The following ASCC3 variants were observed in gnomAD, a reference collection of about 807,000 sequenced individuals.
ASCC3 encodes ASC-1 complex subunit P200.
ASCC3 carries 158 observed loss-of-function variants against 256.3 expected under a neutral mutation model. The ratio of observed to expected loss-of-function variants is 0.62; its 90% confidence interval spans 0.54 to 0.70. The LOEUF (loss-of-function observed/expected upper bound fraction) is 0.70. ASCC3 is among the 30% of genes least tolerant of loss of function. ASCC3 has a pLI of 0.00. For missense variants in ASCC3, 2,259 were observed against 2,626.0 expected (o/e 0.86, Z 3.05); for synonymous variants, 948 against 883.4 (o/e 1.07, Z -1.30).
At chr6:100,704,993 G>C (rs907736911) in intron 13 of ASCC3, among the ~76,000 whole-genome samples, 1 of 152,080 alleles carries the variant, frequency 6.6e-6, no homozygotes, top group Non-Finnish European at 1.5e-5. Context: ...TACACAGGAG[G>C]AGGGGAATTA....
At chr6:100,517,668 A>C (rs565087125) in intron 38 of ASCC3, among the ~76,000 whole-genome samples, 2 of 152,306 alleles carry the variant, frequency 1.3e-5, no homozygotes, top group South Asian at 4.1e-4. Flanking sequence ...GCTTTAGATC[A>C]CAAAGCATTT....
At chr6:100,852,999 A>T (rs1456997173) in intron 3 of ASCC3, among the ~76,000 whole-genome samples, 2 of 152,126 alleles carry the variant, frequency 1.3e-5, no homozygotes, top group African/African-American at 4.8e-5. Flanking sequence ...TTAAAAAAAA[A>T]AAAGTCAAAA....
intron 36 of ASCC3, among the ~76,000 whole-genome samples, chr6:100,558,315 T>C (rs535922359): frequency 6.6e-6 from 1 of 152,222 alleles, no homozygotes; most frequent in African/African-American, 2.4e-5. Flanking sequence ...CATTGTACCC[T>C]GCTTTGATTA....
chr6:100,680,474 C>A (rs1264651541), intron 13 of ASCC3, among the ~76,000 whole-genome samples: 1 of 152,140 alleles, frequency 6.6e-6, no homozygotes, highest in Non-Finnish European at 1.5e-5. Context: ...CTGTAAGTTT[C>A]TTCTTTGGCC....
In ASCC3 at chr6:100,638,695, C is replaced by T. The variant is rs534928454; in HGVS notation, c.4028G>A (p.Cys1343Tyr). The T allele has an allele frequency of 5.0e-6, 8 of 1,614,026 alleles. No homozygotes were observed. The South Asian group carries it at 5.5e-5, about 11-fold the overall frequency. ...QIFHTLYHTDCNVLLGAPTGS... is the reference protein window; with the variant it reads ...QIFHTLYHTDYNVLLGAPTGS... ...AGTAGGTGCTCCAAGTAGGACATTA[C>T]AATCCGTGTGATACAATGTATGAAA... The change falls in exon 25 of 42, where the codon TGT becomes TAT. Residue 1343 changes from cysteine (C) to tyrosine (Y), a missense_variant. Cys to Tyr is a radical substitution (Grantham distance 194). This residue lies in a region of ASCC3 where 1,839 missense variants were observed against 2,206.7 expected (regional missense o/e 0.83). Transcript: ENST00000369162.
rs1772511695 is a variant in ASCC3, at chr6:100,848,722, A to C, written c.242-15T>G. 1 of 1,607,390 alleles carries C rather than the reference A, an allele frequency of 6.2e-7. No homozygotes were observed. Among genetic ancestry groups the C allele is most frequent in the Non-Finnish European group, 8.5e-7 (1 of 1,178,860 alleles). Reference sequence around the variant, plus strand: ...ATCAGTTCCAACTATTCAAAGACAAAAGAAACAGTATTAGCTCAATTGAAT... The same window carrying C: ...ATCAGTTCCAACTATTCAAAGACAACAGAAACAGTATTAGCTCAATTGAAT... On this transcript the variant is annotated splice_polypyrimidine_tract_variant and intron_variant, in intron 3 of 41. Transcript: ENST00000369162.
At chr6:100,676,160 T>A (rs569498657) in intron 14 of ASCC3, among the ~76,000 whole-genome samples, 37 of 152,280 alleles carry the variant, frequency 2.4e-4, no homozygotes, top group Middle Eastern at 6.8e-3. Flanking sequence ...CCATATTGTT[T>A]ATTATCCTTT....
At chr6:100,848,915 G>C (rs1772522673) in intron 3 of ASCC3, among the ~76,000 whole-genome samples, 1 of 152,138 alleles carries the variant, frequency 6.6e-6, no homozygotes, top group African/African-American at 2.4e-5. Context: ...AGACCAGCCT[G>C]GGCAATATGG....
In ASCC3 at chr6:100,830,057, G is replaced by A. The variant is rs554768932; in HGVS notation, c.801+18091C>T. ...AAGATGGTACAAGACTACCCACAAC[G>A]GCATGTAATTTAAAAACCTTGTTGT... On this transcript the variant is annotated intron_variant, in intron 4 of 41. Transcript: ENST00000369162. 3.3e-5 allele frequency among the ~76,000 whole-genome samples: 5 copies of A among 151,974 alleles called. No homozygotes were observed. The East Asian group carries it at 9.8e-4, about 30-fold the overall frequency.
chr6:100,849,512 A>G (rs1772556469), intron 3 of ASCC3, among the ~76,000 whole-genome samples: 1 of 152,170 alleles, frequency 6.6e-6, no homozygotes. Flanking sequence ...ATTTAATACC[A>G]TCAAGGATAT....
intron 32 of ASCC3, 83 bp downstream of exon 32, chr6:100,606,657 G>T: frequency 4.2e-6 from 6 of 1,425,056 alleles, no homozygotes; most frequent in Non-Finnish European, 5.7e-6. Flanking sequence ...TTAATTGGTG[G>T]AAATTCAAAT....
At position 100,518,147 on chromosome 6, in the gene ASCC3, A is replaced by G. The variant is rs370541026; in HGVS notation, c.5776-5T>C. The G allele has an allele frequency of 1.9e-5, 30 of 1,613,266 alleles. No individual in the cohort carries two copies. Among genetic ancestry groups the G allele is most frequent in the Non-Finnish European group, 2.5e-5 (29 of 1,179,562 alleles). Reference sequence around the variant, plus strand: ...TGCAGCCACGTCCAGCATTGCCTGAACAGGGAAAATGCACATGTTACAAGA... The same window carrying G: ...TGCAGCCACGTCCAGCATTGCCTGAGCAGGGAAAATGCACATGTTACAAGA... On this transcript the variant is annotated splice_polypyrimidine_tract_variant and splice_region_variant and intron_variant, in intron 37 of 41. Transcript: ENST00000369162.
At position 100,685,265 on chromosome 6, in the gene ASCC3, A is replaced by G. The variant is rs560556503; in HGVS notation, c.2152-5513T>C. Among the ~76,000 whole-genome samples the G allele has an allele frequency of 3.3e-5, 5 of 152,320 alleles. No homozygotes were observed. In the East Asian group the frequency reaches 9.7e-4, roughly 29 times the overall value. On this transcript the variant is annotated intron_variant, in intron 13 of 41. Transcript: ENST00000369162. Reference sequence around the variant, plus strand: ...TGGCACATATGGCATTGGCTCTTGCAAAAGCTGAGGCTTGGGGTAGGGAGG... The same window carrying G: ...TGGCACATATGGCATTGGCTCTTGCGAAAGCTGAGGCTTGGGGTAGGGAGG...
rs752634706 is a variant in ASCC3, at chr6:100,798,726, T to G, written c.1382A>C (p.Gln461Pro). The G allele has an allele frequency of 5.0e-6, 8 of 1,612,840 alleles. No homozygotes were observed. The highest frequency in any genetic ancestry group is 6.8e-6 in the Non-Finnish European group (8 of 1,179,444). Reference sequence around the variant, plus strand: ...GGCTCATCTCACCTCATCTAAGTCTTGGATATAAACTGGCTTTTCCTCAAA... The same window carrying G: ...GGCTCATCTCACCTCATCTAAGTCTGGGATATAAACTGGCTTTTCCTCAAA... ...LSFEEKPVYI[Q>P]DLDEIGQLAF... is the part of the protein sequence containing the mutation. The change falls in exon 8 of 42, where the codon CAA (glutamine) becomes CCA (proline). Residue 461 changes from glutamine to proline, a missense_variant. Around this residue, in one of 2 missense-constraint regions of ASCC3, gnomAD observed 1,839 missense variants for 2,206.7 expected, o/e 0.83. Transcript: ENST00000369162.
chr6:100,517,214 C>A (rs1190545770), intron 38 of ASCC3, among the ~76,000 whole-genome samples: 1 of 152,032 alleles, frequency 6.6e-6, no homozygotes, highest in East Asian at 1.9e-4. Flanking sequence ...TTGCTGTGTG[C>A]CTGAGGTTCT....
chr6:100,657,127 ATGTATAATTTTCATTATAG>A (rs1329285613), intron 16 of ASCC3, among the ~76,000 whole-genome samples: 4 of 151,270 alleles, frequency 2.6e-5, no homozygotes, highest in Non-Finnish European at 5.9e-5. Context: ...TTTCATTATA[ATGTATAATTTTCATTATAG>A]TATTATGATA....
chr6:100,549,280 T>C (rs1769174455), intron 36 of ASCC3, among the ~76,000 whole-genome samples: 1 of 152,022 alleles, frequency 6.6e-6, no homozygotes, highest in Non-Finnish European at 1.5e-5. Flanking sequence ...TTAACTGAAT[T>C]GATAAATATT....
In ASCC3 at chr6:100,647,449, AT is replaced by A; in HGVS notation, c.3254del (p.Asn1085MetfsTer14). On this transcript the variant is annotated frameshift_variant and splice_region_variant, in exon 21 of 42. Coordinates refer to ENST00000369162, the MANE Select transcript of ASCC3 (RefSeq NM_006828.4). LOFTEE classifies it high-confidence loss of function. ...LISDSAYVAQNAARIVRALFE... is the reference protein window; with the variant it reads ...LISDSAYVAQXAARIVRALFE... ...AAAGAGCACGGACAATTCTAGCTGC[AT>A]TCTAAAAAATTATAGGAGGAGATTG... The A allele has an allele frequency of 1.2e-6, 2 of 1,612,884 alleles. No individual in the cohort carries two copies. Among genetic ancestry groups the A allele is most frequent in the Non-Finnish European group, 1.7e-6 (2 of 1,178,914 alleles).
intron 8 of ASCC3, among the ~76,000 whole-genome samples, chr6:100,774,659 C>T (rs1782104254): frequency 6.6e-6 from 1 of 152,096 alleles, no homozygotes; most frequent in South Asian, 2.1e-4. Context: ...GCCACTGCAC[C>T]CGGCCCTAAC....
Sources: gnomAD v4.1 joint callset for allele counts (sites outside exome capture counted in the v4.1 genomes callset) on GRCh38, gnomAD v4.1.1 for gene constraint, gnomAD v4.1.1 regional missense constraint, MANE v1.5 for transcripts, NCBI Gene and HGNC (gene_info 2026-07-23, HGNC 2026-07-21) for gene names.